The following LRRTM4 variants were observed in gnomAD, a reference collection of about 807,000 sequenced individuals.
LRRTM4 encodes the protein leucine rich repeat transmembrane neuronal 4, also known as leucine-rich repeat transmembrane neuronal protein 4.
A neutral mutation model predicts 47.6 loss-of-function variants in LRRTM4; 25 were observed. That is an observed-to-expected ratio of 0.53 (90% CI 0.38 to 0.73). The LOEUF (loss-of-function observed/expected upper bound fraction) is 0.73, where lower values mean the gene tolerates loss of function less well. Ranked by LOEUF, LRRTM4 falls within the 30% of genes least tolerant of loss-of-function variation. The probability of loss-of-function intolerance (pLI) is 0.00; values close to 1 mark genes in which losing one functional copy is unlikely to be tolerated. For synonymous variants in LRRTM4, 311 were observed against 269.5 expected (o/e 1.15, Z -1.51); for missense variants, 638 against 713.4 (o/e 0.89, Z 1.20).
chr2:77,367,096 A>G (rs1672488129), intron 3 of LRRTM4, among the ~76,000 whole-genome samples: 1 of 151,650 alleles, frequency 6.6e-6, no homozygotes, highest in South Asian at 2.1e-4. Flanking sequence ...GTCCTCCATC[A>G]CCATTAGAGC....
At chr2:76,970,441 C>G (rs372142563) in intron 3 of LRRTM4, among the ~76,000 whole-genome samples, 1 of 151,856 alleles carries the variant, frequency 6.6e-6, no homozygotes, top group Non-Finnish European at 1.5e-5. Context: ...AAGTGATAAG[C>G]GTATTGATTC....
intron 3 of LRRTM4, among the ~76,000 whole-genome samples, chr2:77,242,232 T>G (rs190634262): frequency 1.3e-5 from 2 of 152,276 alleles, no homozygotes; most frequent in East Asian, 3.9e-4. Flanking sequence ...CTTTGGTTAA[T>G]GTTGACATCT....
chr2:77,042,663 T>G (rs1022294643), intron 3 of LRRTM4, among the ~76,000 whole-genome samples: 9 of 127,748 alleles, frequency 7.0e-5, no homozygotes, highest in Admixed American at 2.3e-4. Flanking sequence ...TTCATGCCAT[T>G]CTTATGATGA....
intron 3 of LRRTM4, among the ~76,000 whole-genome samples, chr2:77,121,405 T>G (rs1671518054): frequency 6.6e-6 from 1 of 151,918 alleles, no homozygotes; most frequent in Non-Finnish European, 1.5e-5. Context: ...GTGTTGCACT[T>G]CTCATTTTAA....
intron 3 of LRRTM4, among the ~76,000 whole-genome samples, chr2:77,329,548 G>C (rs948430485): frequency 6.6e-6 from 1 of 152,052 alleles, no homozygotes; most frequent in Middle Eastern, 3.2e-3. Context: ...TAAATACTAA[G>C]AAAAAAATAA....
At chr2:76,980,434 T>G (rs1676565542) in intron 3 of LRRTM4, among the ~76,000 whole-genome samples, 1 of 152,068 alleles carries the variant, frequency 6.6e-6, no homozygotes, top group African/African-American at 2.4e-5. Context: ...AATACATAAA[T>G]TTTTAAAAGA....
chr2:76,863,814 A>G (rs938564781), intron 3 of LRRTM4, among the ~76,000 whole-genome samples: 1 of 152,188 alleles, frequency 6.6e-6, no homozygotes, highest in Admixed American at 6.5e-5. Flanking sequence ...CTCATGATAT[A>G]GAAGGCAAAG....
At chr2:76,813,550 T>G (rs1670808203) in intron 3 of LRRTM4, among the ~76,000 whole-genome samples, 1 of 152,186 alleles carries the variant, frequency 6.6e-6, no homozygotes, top group Non-Finnish European at 1.5e-5. Flanking sequence ...ATATATAATT[T>G]ATGTATTTTA....
chr2:77,406,577 G>T (rs965339834), intron 3 of LRRTM4, among the ~76,000 whole-genome samples: 1 of 151,942 alleles, frequency 6.6e-6, no homozygotes, highest in South Asian at 2.1e-4. Context: ...GCACGATTAT[G>T]GGTGTGAGCC....
At position 76,770,890 on chromosome 2, in the gene LRRTM4, A is replaced by G. The variant is rs142016330; in HGVS notation, c.1552-21974T>C. ...CAACTAAGTACTCACACTGTGCTAC[A>G]TGTTCCAAGAGTTCAAGTTAGCCTT... is the stretch of plus-strand genomic sequence containing the variant. On this transcript the variant is annotated intron_variant, in intron 3 of 3. Coordinates refer to ENST00000409884, the MANE Select transcript of LRRTM4 (RefSeq NM_001134745.3). Among the ~76,000 whole-genome samples the G allele has an allele frequency of 3.9e-5, 6 of 152,320 alleles. No homozygotes were observed. The East Asian group carries it at 1.2e-3, about 29-fold the overall frequency.
chr2:76,776,446 C>A (rs1573082264), intron 3 of LRRTM4, among the ~76,000 whole-genome samples: 3 of 152,198 alleles, frequency 2.0e-5, no homozygotes, highest in African/African-American at 7.2e-5. Flanking sequence ...GAAAGATTGC[C>A]ATTCTAACTG....
At chr2:76,810,906 G>A (rs1046784215) in intron 3 of LRRTM4, among the ~76,000 whole-genome samples, 1 of 152,040 alleles carries the variant, frequency 6.6e-6, no homozygotes, top group Admixed American at 6.6e-5. Context: ...CACATACTGT[G>A]GGTTATTCTG....
intron 3 of LRRTM4, among the ~76,000 whole-genome samples, chr2:76,804,375 A>T (rs1482870988): frequency 6.6e-6 from 1 of 152,052 alleles, no homozygotes; most frequent in Non-Finnish European, 1.5e-5. Flanking sequence ...ATTTGAAAAC[A>T]TGAGAACACA....
At chr2:77,356,809 T>G (rs1671983777) in intron 3 of LRRTM4, among the ~76,000 whole-genome samples, 1 of 152,202 alleles carries the variant, frequency 6.6e-6, no homozygotes, top group African/African-American at 2.4e-5. Flanking sequence ...TCTCAAACTT[T>G]CAGCGTGTCG....
intron 3 of LRRTM4, among the ~76,000 whole-genome samples, chr2:76,791,664 C>T (rs901933276): frequency 6.6e-6 from 1 of 152,166 alleles, no homozygotes; most frequent in Non-Finnish European, 1.5e-5. Flanking sequence ...CAGTTAAAGA[C>T]AATTTCAGTA....
At chr2:77,042,157 C>T (rs937933253) in intron 3 of LRRTM4, among the ~76,000 whole-genome samples, 2 of 151,282 alleles carry the variant, frequency 1.3e-5, no homozygotes, top group Non-Finnish European at 3.0e-5. Flanking sequence ...CTTAATTTCC[C>T]GATTTTTGAG....
At chr2:76,923,426 G>A (rs1340331228) in intron 3 of LRRTM4, among the ~76,000 whole-genome samples, 1 of 151,704 alleles carries the variant, frequency 6.6e-6, no homozygotes, top group Non-Finnish European at 1.5e-5. Context: ...AATAAATGAA[G>A]GTAATAAATA....
At chr2:76,816,700 A>G (rs1178322603) in intron 3 of LRRTM4, among the ~76,000 whole-genome samples, 1 of 151,698 alleles carries the variant, frequency 6.6e-6, no homozygotes. Flanking sequence ...AATTTTATAA[A>G]CTTCAGCTGA....
intron 3 of LRRTM4, among the ~76,000 whole-genome samples, chr2:76,820,735 T>C (rs1346545445): frequency 4.0e-5 from 6 of 151,734 alleles, no homozygotes; most frequent in Non-Finnish European, 7.4e-5. Flanking sequence ...AATAGAGAAG[T>C]ATGCTTAAGC....
Sources: gnomAD v4.1 joint callset for allele counts (sites outside exome capture counted in the v4.1 genomes callset) on GRCh38, gnomAD v4.1.1 for gene constraint, MANE v1.5 for transcripts, NCBI Gene and HGNC (gene_info 2026-07-23, HGNC 2026-07-21) for gene names.